The following GALNTL6 variants were observed in gnomAD, a reference collection of about 807,000 sequenced individuals.
GALNTL6 encodes the protein polypeptide N-acetylgalactosaminyltransferase-like 6.
GALNTL6 carries 46 observed loss-of-function variants against 73.7 expected under a neutral mutation model. The ratio of observed to expected loss-of-function variants is 0.62; its 90% CI spans 0.49 to 0.80. The LOEUF (loss-of-function observed/expected upper bound fraction) is 0.80. GALNTL6 is among the 30% of genes least tolerant of loss of function. GALNTL6 has a pLI of 0.00. For missense variants in GALNTL6, 604 were observed against 755.0 expected (o/e 0.80, Z 2.34); for synonymous variants, 259 against 263.7 (o/e 0.98, Z 0.17).
chr4:172,106,407 A>G (rs1053525225), intron 2 of GALNTL6, among the ~76,000 whole-genome samples: 1 of 152,240 alleles, frequency 6.6e-6, no homozygotes, highest in Non-Finnish European at 1.5e-5. Context: ...GGTATTATGT[A>G]TTTCTGAAAC....
chr4:171,909,045 G>A (rs1419358675), intron 2 of GALNTL6, among the ~76,000 whole-genome samples: 1 of 150,792 alleles, frequency 6.6e-6, no homozygotes, highest in Non-Finnish European at 1.5e-5. Context: ...CCTAATGCTA[G>A]ATGACGAGTT....
intron 5 of GALNTL6, among the ~76,000 whole-genome samples, chr4:172,447,186 G>A (rs1732052586): frequency 6.6e-6 from 1 of 152,152 alleles, no homozygotes; most frequent in Admixed American, 6.5e-5. Flanking sequence ...CAGGAAAAGA[G>A]TCTCCAGAAG....
chr4:172,229,802 C>G, intron 3 of GALNTL6, 38 bp downstream of exon 3: 1 of 1,215,602 alleles, frequency 8.2e-7, no homozygotes, highest in East Asian at 2.3e-5. Flanking sequence ...CTATTTCACT[C>G]GCAGCAGTGT....
chr4:172,379,219 G>C (rs1224882647), intron 5 of GALNTL6, among the ~76,000 whole-genome samples: 3 of 152,180 alleles, frequency 2.0e-5, no homozygotes, highest in Non-Finnish European at 4.4e-5. Context: ...GTTAGACTTG[G>C]CTAGGGAACA....
At chr4:171,988,729 T>G (rs1740205468) in intron 2 of GALNTL6, among the ~76,000 whole-genome samples, 1 of 152,044 alleles carries the variant, frequency 6.6e-6, no homozygotes, top group Non-Finnish European at 1.5e-5. Flanking sequence ...AACAGGTGAG[T>G]GATAACAGGC....
rs530847987 is a variant in GALNTL6 at position 172,324,401 on chromosome 4, G to C, written c.386+12649G>C. 2.0e-5 allele frequency among the ~76,000 whole-genome samples: 3 copies of C among 151,722 alleles called. No individual in the cohort carries two copies. In the South Asian group the frequency reaches 6.2e-4, roughly 32 times the overall value. On this transcript the variant is annotated intron_variant, in intron 4 of 12. Coordinates refer to ENST00000506823, the MANE Select transcript of GALNTL6 (RefSeq NM_001034845.3). The stretch of plus-strand genomic sequence containing the variant: ...AAGAAATAAATTCACTTAATTTTGA[G>C]GGCTCTAAGAGTCATGACTTTAAAT...
At chr4:172,029,194 T>A (rs67648335) in intron 2 of GALNTL6, among the ~76,000 whole-genome samples, 4,249 of 152,128 alleles carry the variant, frequency 0.028, 180 homozygotes, top group African/African-American at 0.092. Flanking sequence ...TTTTTTGAAC[T>A]GTAAACTTCA....
At chr4:172,011,489 T>A (rs1741004811) in intron 2 of GALNTL6, among the ~76,000 whole-genome samples, 1 of 152,154 alleles carries the variant, frequency 6.6e-6, no homozygotes, top group South Asian at 2.1e-4. Flanking sequence ...TGCTTCTTAT[T>A]TCAGTAATCC....
At chr4:171,937,951 C>T (rs2111007496) in intron 2 of GALNTL6, among the ~76,000 whole-genome samples, 1 of 152,190 alleles carries the variant, frequency 6.6e-6, no homozygotes, top group East Asian at 1.9e-4. Context: ...GTGGCTAATG[C>T]TGACAGGTTT....
intron 5 of GALNTL6, among the ~76,000 whole-genome samples, chr4:172,754,582 T>C (rs1312410039): frequency 6.6e-6 from 1 of 151,798 alleles, no homozygotes; most frequent in Admixed American, 6.6e-5. Context: ...CGAAAATAAA[T>C]TAAAAAAAAC....
intron 5 of GALNTL6, among the ~76,000 whole-genome samples, chr4:172,664,312 AT>A (rs1731543467): frequency 6.6e-6 from 1 of 152,170 alleles, no homozygotes; most frequent in Non-Finnish European, 1.5e-5. Context: ...CTCATTCATA[AT>A]TCTTTATTTT....
chr4:172,018,526 C>T lies in GALNTL6; in HGVS notation c.138+203808C>T, dbSNP rs188560731. ...AGTGAAAGGCCTCACCCAGCTCCCA[C>T]ACAGTTGGCAAGCCTGGTCTTGCTC... On this transcript the variant is annotated intron_variant, in intron 2 of 12. Coordinates refer to ENST00000506823, the MANE Select transcript of GALNTL6 (RefSeq NM_001034845.3). 4.6e-5 allele frequency among the ~76,000 whole-genome samples: 7 copies of T among 152,142 alleles called. No homozygotes were observed. The East Asian group carries it at 1.4e-3, about 30-fold the overall frequency.
intron 10 of GALNTL6, among the ~76,000 whole-genome samples, chr4:172,955,065 T>C (rs949654192): frequency 6.6e-6 from 1 of 152,170 alleles, no homozygotes; most frequent in Non-Finnish European, 1.5e-5. Context: ...TCTCTGAGAG[T>C]ATAAGTGAAA....
At chr4:173,021,354 C>A (rs2126515556) in intron 11 of GALNTL6, 122 bp from the exon 12 acceptor site, 1 of 967,486 alleles carries the variant, frequency 1.0e-6, no homozygotes, top group Non-Finnish European at 1.6e-6. Flanking sequence ...TGAGACTTAG[C>A]TCTTTTTGGC....
At chr4:172,127,964 T>C (rs2111011989) in intron 2 of GALNTL6, among the ~76,000 whole-genome samples, 1 of 151,620 alleles carries the variant, frequency 6.6e-6, no homozygotes, top group East Asian at 1.9e-4. Flanking sequence ...AACTAGCTGG[T>C]CATGGTGGTG....
rs182050291 is a variant in GALNTL6 at position 172,934,278 on chromosome 4, A to G, written c.1149+3010A>G. On this transcript the variant is annotated intron_variant, in intron 9 of 12. Coordinates refer to ENST00000506823, the MANE Select transcript of GALNTL6 (RefSeq NM_001034845.3). ...TGTCCACTGAATTAACGAGTTTCATATAACAGTGGTTTCCAAACTCAGGAT... is the reference window on the plus strand; with the variant it reads ...TGTCCACTGAATTAACGAGTTTCATGTAACAGTGGTTTCCAAACTCAGGAT... Among the ~76,000 whole-genome samples the G allele has an allele frequency of 4.6e-5, 7 of 152,360 alleles. No individual in the cohort carries two copies. In the East Asian group the frequency reaches 5.8e-4, roughly 13 times the overall value.
At chr4:172,425,649 G>A (rs1306091221) in intron 5 of GALNTL6, among the ~76,000 whole-genome samples, 1 of 152,026 alleles carries the variant, frequency 6.6e-6, no homozygotes, top group African/African-American at 2.4e-5. Flanking sequence ...AATCCTAGAA[G>A]TTTGTGGAAT....
chr4:171,981,655 AGCATTATCACTTCT>A (rs1470710158), intron 2 of GALNTL6, among the ~76,000 whole-genome samples: 1 of 152,208 alleles, frequency 6.6e-6, no homozygotes, highest in African/African-American at 2.4e-5. Flanking sequence ...AATTAAATTA[AGCATTATCACTTCT>A]GCAACATTTT....
intron 5 of GALNTL6, among the ~76,000 whole-genome samples, chr4:172,481,041 G>A (rs1409392366): frequency 6.6e-6 from 1 of 152,216 alleles, no homozygotes; most frequent in African/African-American, 2.4e-5. Flanking sequence ...CAAGAATGAA[G>A]CCGTGGACTA....
Sources: gnomAD v4.1 joint callset for allele counts (sites outside exome capture counted in the v4.1 genomes callset) on GRCh38, gnomAD v4.1.1 for gene constraint, MANE v1.5 for transcripts, NCBI Gene and HGNC (gene_info 2026-07-23, HGNC 2026-07-21) for gene names.